Variants in NLRC4 observed in about 807,000 individuals in gnomAD.
NLRC4 encodes the protein NLR family CARD domain containing 4.
NLRC4 carries 63 observed loss-of-function variants against 79.9 expected under a neutral mutation model. That is an observed-to-expected ratio of 0.79 (90% CI 0.64 to 0.97). NLRC4 has a LOEUF of 0.97. Ranked by LOEUF, NLRC4 falls within the 50% of genes least tolerant of loss-of-function variation. NLRC4 has a pLI of 0.00. For missense variants in NLRC4, 1,074 were observed against 1,215.2 expected, an observed-to-expected ratio of 0.88 and a Z score of 1.73; for synonymous variants, 461 against 456.5, an observed-to-expected ratio of 1.01 and a Z score of -0.12.
intron 3 of NLRC4, among the ~76,000 whole-genome samples, chr2:32,251,850 A>C (rs1415734353): frequency 1.3e-5 from 2 of 152,296 alleles, no homozygotes; most frequent in Admixed American, 1.3e-4. Context: ...CTGGTTGGAA[A>C]AGGGAGGAGC....
At chr2:32,262,814 C>G (rs1687382460) in intron 1 of NLRC4, among the ~76,000 whole-genome samples, 1 of 151,700 alleles carries the variant, frequency 6.6e-6, no homozygotes. Context: ...GACCAGTGTA[C>G]TCTCTTGGAA....
At position 32,224,810 on chromosome 2, in the gene NLRC4, T is replaced by TAAA. The variant is rs199998217; in HGVS notation, c.2783-48_2783-46dup. On this transcript the variant is annotated intron_variant, in intron 8 of 8. Transcript: ENST00000402280. Reference sequence around the variant, plus strand: ...TATTAGTTGGAAGAAAAATTTTTTTTAAAAAAAAAGAGAAATAGGTTCTAC... The same window carrying TAAA: ...TATTAGTTGGAAGAAAAATTTTTTTTAAAAAAAAAAAAGAGAAATAGGTTCTAC... 0.42 allele frequency: 409,580 copies of TAAA among 976,552 alleles called. 67,916 individuals carry two copies. Among genetic ancestry groups the TAAA allele is most frequent in the Admixed American group, 0.5 (17,600 of 35,168 alleles). The allele number at this position is 976,552 out of a possible 1,614,324, so 60.5% of individuals were successfully genotyped here. A position where few individuals can be genotyped will look rare whatever the true frequency, so the allele number is the denominator to read the frequency against.
In NLRC4 at chr2:32,256,042, AT is replaced by A. The variant is rs533875355; in HGVS notation, c.1+732del. Among the ~76,000 whole-genome samples the A allele has an allele frequency of 7.6e-4, 116 of 151,990 alleles. 1 individual carries two copies. The South Asian group carries it at 0.016, about 22-fold the overall frequency. ...CAAAAAAAAAAATTTACAAAAAAAAATATATATATAAACAGTAAGATATTAT... is the reference window on the plus strand; with the variant it reads ...CAAAAAAAAAAATTTACAAAAAAAAAATATATATAAACAGTAAGATATTAT... On this transcript the variant is annotated intron_variant, in intron 2 of 8. Coordinates refer to ENST00000402280, the MANE Select transcript of NLRC4 (RefSeq NM_001199138.2).
At chr2:32,254,133 C>T (rs1687150363) in intron 2 of NLRC4, among the ~76,000 whole-genome samples, 1 of 151,910 alleles carries the variant, frequency 6.6e-6, no homozygotes, top group Non-Finnish European at 1.5e-5. Context: ...TAACAAAAAT[C>T]CTGAAAATTC....
At position 32,249,674 on chromosome 2, in the gene NLRC4, C is replaced by T. The variant is rs1318326830; in HGVS notation, c.2190G>A (p.Arg730=). The T allele has an allele frequency of 6.2e-7, 1 of 1,613,636 alleles. No homozygotes were observed. The highest frequency in any genetic ancestry group is 2.2e-5 in the East Asian group (1 of 44,896). ...TCAGGTTTGTTACAGATGTGATGTG[C>T]CTCTCATCTTCTATGGTGAGGGGAC... ...EASPLTIEDE[R]HITSVTNLKT... is the part of the protein sequence containing the mutation. Residue 730 remains arginine, a synonymous_variant, in exon 4 of 9, where the codon AGG becomes AGA. Coordinates refer to ENST00000402280, the MANE Select transcript of NLRC4 (RefSeq NM_001199138.2).
chr2:32,254,257 TGTATA>T (rs1687152623), intron 2 of NLRC4, among the ~76,000 whole-genome samples: 1 of 152,056 alleles, frequency 6.6e-6, no homozygotes, highest in African/African-American at 2.4e-5. Context: ...CAATAATTCA[TGTATA>T]GTATCTCATA....
intron 2 of NLRC4, among the ~76,000 whole-genome samples, chr2:32,253,452 C>G (rs1198352780): frequency 6.6e-6 from 1 of 151,960 alleles, no homozygotes; most frequent in African/African-American, 2.4e-5. Flanking sequence ...CCGGCCTCTG[C>G]AAAGCATTTC....
intron 4 of NLRC4, among the ~76,000 whole-genome samples, chr2:32,244,008 G>A (rs185105283): frequency 7.2e-5 from 11 of 152,128 alleles, no homozygotes; most frequent in African/African-American, 2.4e-4. Flanking sequence ...CCAGCACTTC[G>A]GGAGGCCCAG....
At position 32,250,484 on chromosome 2, in the gene NLRC4, C is replaced by T. The variant is rs151186164; in HGVS notation, c.1380G>A (p.Thr460=). The part of the protein sequence containing the change: ...TAGRRLSSLL[T]SHEPEEVTKG... ...TGGTCACCTCCTCTGGCTCATGAGACGTCAATAAACTGCTGAGTCTTCGTC... is the reference window on the plus strand; with the variant it reads ...TGGTCACCTCCTCTGGCTCATGAGATGTCAATAAACTGCTGAGTCTTCGTC... Residue 460 remains threonine, a synonymous_variant, in exon 4 of 9, where the codon ACG becomes ACA. Transcript: ENST00000402280. This position sits in a 1 kb window ranked among gnomAD's most constrained non-coding sequence, Gnocchi z 4.9. 1.6e-4 allele frequency: 253 copies of T among 1,614,208 alleles called. No individual in the cohort carries two copies. The East Asian group carries it at 4.7e-3, about 30-fold the overall frequency.
At chr2:32,230,991 G>A (rs1013787956) in intron 8 of NLRC4, among the ~76,000 whole-genome samples, 1 of 152,078 alleles carries the variant, frequency 6.6e-6, no homozygotes, top group East Asian at 1.9e-4. Flanking sequence ...GTATCTCATT[G>A]TAGTTTTGGT....
chr2:32,231,572 T>TGCCGGGGGG (rs757448591), intron 8 of NLRC4, among the ~76,000 whole-genome samples: 2 of 59,452 alleles, frequency 3.4e-5, no homozygotes, highest in Non-Finnish European at 6.0e-5. Flanking sequence ...TATTTTTTTT[T>TGCCGGGGGG]GTGGGGGGGG....
chr2:32,261,329 T>TTTTTTTTTTTTTTTTTTTTTTTTTTTTTG (rs1230263597), intron 1 of NLRC4, among the ~76,000 whole-genome samples: 3 of 119,282 alleles, frequency 2.5e-5, no homozygotes, highest in South Asian at 2.7e-4. Context: ...TTGTTTTTTT[T>TTTTTTTTTTTTTTTTTTTTTTTTTTTTTG]TGAGATGGAG....
rs144443680 is a variant in NLRC4 at position 32,251,333 on chromosome 2, A to G, written c.531T>C (p.Thr177=). Residue 177 remains threonine, a synonymous_variant, in exon 4 of 9, where the codon ACT becomes ACC. Coordinates refer to ENST00000402280, the MANE Select transcript of NLRC4 (RefSeq NM_001199138.2). ...IEGESGKGKS[T]LLQRIAMLWG... is the part of the protein sequence containing the mutation. The stretch of plus-strand genomic sequence containing the variant: ...AGAGCATGGCAATTCGCTGCAGCAG[A>G]GTGGACTTGCCTTTGCCAGATTCCC... 2 of 1,614,006 alleles carry G rather than the reference A, an allele frequency of 1.2e-6. No individual in the cohort carries two copies. The highest frequency in any genetic ancestry group is 1.7e-6 in the Non-Finnish European group (2 of 1,180,032).
At chr2:32,237,452 C>A (rs1339078112) in intron 6 of NLRC4, among the ~76,000 whole-genome samples, 1 of 152,144 alleles carries the variant, frequency 6.6e-6, no homozygotes, top group African/African-American at 2.4e-5. Flanking sequence ...CAGTACTTAT[C>A]CAGCCTTTTT....
chr2:32,258,633 G>T (rs1687266030), intron 1 of NLRC4, among the ~76,000 whole-genome samples: 1 of 152,230 alleles, frequency 6.6e-6, no homozygotes, highest in Non-Finnish European at 1.5e-5. Flanking sequence ...TGAGGCATTT[G>T]TTCTTTATCC....
intron 1 of NLRC4, among the ~76,000 whole-genome samples, chr2:32,258,241 G>T (rs769234055): frequency 6.6e-6 from 1 of 152,148 alleles, no homozygotes; most frequent in Non-Finnish European, 1.5e-5. Context: ...GTGCTCTTCC[G>T]CCAGCATTCT....
intron 1 of NLRC4, among the ~76,000 whole-genome samples, chr2:32,264,109 A>G (rs1358704805): frequency 6.6e-6 from 1 of 152,120 alleles, no homozygotes; most frequent in East Asian, 1.9e-4. Flanking sequence ...AGCTTTGATC[A>G]TCTGTGATTC....
At chr2:32,239,335 G>C (rs1341781572) in intron 5 of NLRC4, among the ~76,000 whole-genome samples, 2 of 152,084 alleles carry the variant, frequency 1.3e-5, no homozygotes, top group African/African-American at 4.8e-5. Context: ...TATCAGTCTT[G>C]CAGAGCTTTC....
intron 8 of NLRC4, among the ~76,000 whole-genome samples, chr2:32,231,578 G>GGA (rs974884287): frequency 7.0e-5 from 8 of 114,946 alleles, no homozygotes; most frequent in Non-Finnish European, 1.5e-4. Flanking sequence ...TTTTTGTGGG[G>GGA]GGGGGGTGGG....
Sources: gnomAD v4.1 joint callset for allele counts (sites outside exome capture counted in the v4.1 genomes callset) on GRCh38, gnomAD v4.1.1 for gene constraint, Gnocchi (gnomAD v3.1) non-coding constraint, MANE v1.5 for transcripts, NCBI Gene and HGNC (gene_info 2026-07-23, HGNC 2026-07-21) for gene names.